The following XYLT2 variants were observed in gnomAD, a reference collection of about 807,000 sequenced individuals.
XYLT2 encodes the protein UDP-D-xylose:proteoglycan core protein beta-D-xylosyltransferase.
XYLT2 carries 37 observed loss-of-function variants against 82.6 expected under a neutral mutation model. The ratio of observed to expected loss-of-function variants is 0.45; its 90% CI spans 0.34 to 0.59. The LOEUF is 0.59. Ranked by LOEUF, XYLT2 falls within the 20% of genes least tolerant of loss-of-function variation. The pLI is 0.01. For missense variants in XYLT2, 934 were observed against 1,181.3 expected (o/e 0.79, Z 3.07); for synonymous variants, 474 against 499.0 (o/e 0.95, Z 0.67).
Position 50,356,772 on chromosome 17 carries a change from A to G in XYLT2, c.1744A>G (p.Arg582Gly). ...ACCCCCAATGGGCACCCCACTCTGC[A>G]GGTGAGACCCCCTTCTGACATACAG... ...AAPPMGTPLCRFEPRGLPSSV... is the reference protein window; with the variant it reads ...AAPPMGTPLCGFEPRGLPSSV... The change falls in exon 8 of 11, where the codon AGG becomes GGG. Residue 582 changes from arginine to glycine, a missense_variant and splice_region_variant. Transcript: ENST00000017003. 1 of 1,600,028 alleles carries G rather than the reference A, an allele frequency of 6.2e-7. No homozygotes were observed.
At chr17:50,347,040 C>T in intron 1 of XYLT2, 1 of 613,722 alleles carries the variant, frequency 1.6e-6, no homozygotes, top group Non-Finnish European at 2.0e-6. Context: ...AACCAACAGC[C>T]GTCTCAGCCC....
At chr17:50,353,537 C>G in intron 1 of XYLT2, 93 bp from the exon 2 acceptor site, 1 of 1,497,442 alleles carries the variant, frequency 6.7e-7, no homozygotes, top group Non-Finnish European at 8.9e-7. Flanking sequence ...GCAGGAACAT[C>G]TAGGTCTGAG....
At position 50,360,421 on chromosome 17, in the gene XYLT2, A is replaced by G. The variant is rs530104376; in HGVS notation, c.*130A>G. On this transcript the variant is annotated 3_prime_UTR_variant, in exon 11 of 11. Coordinates refer to ENST00000017003, the MANE Select transcript of XYLT2 (RefSeq NM_022167.4). ...CCCATTTCAGCCATCAAGAACCCAC[A>G]CAGACGGCAGGGAAGGTGGACACAG... The G allele has an allele frequency of 2.2e-4, 320 of 1,431,748 alleles. 5 individuals are homozygous for G. In the South Asian group the frequency reaches 4.5e-3, roughly 20 times the overall value. The allele number at this position is 1,431,748 out of a possible 1,614,324, so 88.7% of individuals were successfully genotyped here.
rs1282104050 is a variant in XYLT2 at position 50,355,657 on chromosome 17, C to G, written c.1088+76C>G. On this transcript the variant is annotated intron_variant, in intron 5 of 10. Transcript: ENST00000017003. ...TCCCACACAGTTGGGCTCGGTGGCT[C>G]CAGCCCTGGGTTTCAAAGCCTCCAC... is the stretch of plus-strand genomic sequence containing the variant. 2.3e-5 allele frequency: 36 copies of G among 1,598,564 alleles called. No homozygotes were observed. In the Admixed American group the frequency reaches 6.0e-4, roughly 27 times the overall value.
In XYLT2 at chr17:50,358,245, G is replaced by C; in HGVS notation, c.1980G>C (p.Arg660=). Residue 660 remains arginine, a synonymous_variant, in exon 10 of 11, where the codon CGG becomes CGC. Coordinates refer to ENST00000017003, the MANE Select transcript of XYLT2 (RefSeq NM_022167.4). ...GGGACCCCAAAGAGCGTCTTTTCCG[G>C]AACTTTGGGGGGTTACTGGGGCCGC... The part of the protein sequence containing the change: ...TDWDPKERLF[R]NFGGLLGPLD... The C allele has an allele frequency of 1.9e-6, 3 of 1,610,974 alleles. No individual in the cohort carries two copies. The highest frequency in any genetic ancestry group is 2.2e-5 in the East Asian group (1 of 44,804).
At position 50,346,188 on chromosome 17, in the gene XYLT2, GGC is replaced by G; in HGVS notation, c.50_51del (p.Ala17AspfsTer69). On this transcript the variant is annotated frameshift_variant, in exon 1 of 11. Transcript: ENST00000017003. LOFTEE classifies it high-confidence loss of function. The surrounding 1 kb of genome is among the most constrained non-coding windows in gnomAD (Gnocchi z 5.1). ...AGAAGCTGGTGCGGCGCTACAAGCTGGCGATTGCCACGGCGCTGGCCATCCTG... is the reference window on the plus strand; with the variant it reads ...AGAAGCTGGTGCGGCGCTACAAGCTGGATTGCCACGGCGCTGGCCATCCTG... ...VQKLVRRYKL[A>X]IATALAILLL... The G allele has an allele frequency of 7.7e-7, 1 of 1,293,150 alleles. No individual in the cohort carries two copies. Among genetic ancestry groups the G allele is most frequent in the Non-Finnish European group, 1.0e-6 (1 of 994,410 alleles). The allele number at this position is 1,293,150 out of a possible 1,614,324, so 80.1% of individuals were successfully genotyped here. A position where few individuals can be genotyped will look rare whatever the true frequency, so the allele number is the denominator to read the frequency against.
chr17:50,356,809 G>C (rs1341031201), intron 8 of XYLT2, 36 bp downstream of exon 8: 1 of 1,579,364 alleles, frequency 6.3e-7, no homozygotes, highest in Non-Finnish European at 8.6e-7. Flanking sequence ...AGGCCCTTGG[G>C]GTGTGGTGCC....
At position 50,361,067 on chromosome 17, in the gene XYLT2, C is replaced by T; in HGVS notation, c.*776C>T. The T allele has an allele frequency of 1.0e-6, 1 of 985,960 alleles. No homozygotes were observed. Among genetic ancestry groups the T allele is most frequent in the South Asian group, 4.7e-5 (1 of 21,286 alleles). The allele number at this position is 985,960 out of a possible 1,614,324, so 61.1% of individuals were successfully genotyped here. A position where few individuals can be genotyped will look rare whatever the true frequency, so the allele number is the denominator to read the frequency against. On this transcript the variant is annotated 3_prime_UTR_variant, in exon 11 of 11. Coordinates refer to ENST00000017003, the MANE Select transcript of XYLT2 (RefSeq NM_022167.4). ...GTGGGAAGAAGACTCTGTCAAGACTCTCAGAAGAACCTGGAGTAATTGTGC... is the reference window on the plus strand; with the variant it reads ...GTGGGAAGAAGACTCTGTCAAGACTTTCAGAAGAACCTGGAGTAATTGTGC...
intron 3 of XYLT2, 96 bp downstream of exon 3, chr17:50,354,679 T>C (rs1192863666): frequency 7.3e-7 from 1 of 1,363,290 alleles, no homozygotes; most frequent in Non-Finnish European, 9.5e-7. Flanking sequence ...CCAGGTAGCC[T>C]AGGAGGGAAA....
rs1244817642 is a variant in XYLT2 at position 50,358,526 on chromosome 17, T to C, written c.2261T>C (p.Leu754Pro). Reference sequence around the variant, plus strand: ...CTGCCCTTGACCTTCAACCGCAAACTACCTCTCAGGAAAGGTAAGCGTGCA... The same window carrying C: ...CTGCCCTTGACCTTCAACCGCAAACCACCTCTCAGGAAAGGTAAGCGTGCA... ...LVLPLTFNRK[L>P]PLRKDDASWL... The change falls in exon 10 of 11, where the codon CTA (leucine) becomes CCA (proline). Residue 754 changes from leucine (L) to proline (P), a missense_variant. Physicochemically the swap from Leu to Pro is moderately conservative, Grantham distance 98 (BLOSUM62 -3). This residue lies in a region of XYLT2 where 374 missense variants were observed against 465.6 expected (regional missense o/e 0.80). Coordinates refer to ENST00000017003, the MANE Select transcript of XYLT2 (RefSeq NM_022167.4). 1 of 1,612,116 alleles carries C rather than the reference T, an allele frequency of 6.2e-7. No homozygotes were observed.
chr17:50,348,736 A>G (rs961966758), intron 1 of XYLT2, among the ~76,000 whole-genome samples: 3 of 152,174 alleles, frequency 2.0e-5, no homozygotes, highest in Non-Finnish European at 2.9e-5. Flanking sequence ...GAAGGATTCT[A>G]AGGTGGAGCT....
At position 50,346,881 on chromosome 17, in the gene XYLT2, G is replaced by A. The variant is rs1272357343; in HGVS notation, c.135+606G>A. On this transcript the variant is annotated intron_variant, in intron 1 of 10. Coordinates refer to ENST00000017003, the MANE Select transcript of XYLT2 (RefSeq NM_022167.4). The surrounding 1 kb of genome is among the most constrained non-coding windows in gnomAD (Gnocchi z 5.1). ...CGAGGTGTGGCTTCCTCAGCCGGGG[G>A]TTTGAAGAACCTGGATGGGTCTCCG... 2 of 985,298 alleles carry A rather than the reference G, an allele frequency of 2.0e-6. No individual in the cohort carries two copies. Among genetic ancestry groups the A allele is most frequent in the Admixed American group, 6.1e-5 (1 of 16,272 alleles). 61.0% of individuals were successfully genotyped at this position (985,298 alleles called of 1,614,324 possible).
In XYLT2 at chr17:50,350,744, C is replaced by T. The variant is rs75127905; in HGVS notation, c.136-2886C>T. Among the ~76,000 whole-genome samples, 1,230 of 151,960 alleles carry T rather than the reference C, an allele frequency of 8.1e-3. 23 individuals are homozygous for T. Among genetic ancestry groups the T allele is most frequent in the East Asian group, 0.071 (366 of 5,168 alleles). On this transcript the variant is annotated intron_variant, in intron 1 of 10. Transcript: ENST00000017003. ...TAGTAGGATGAGAGGAAATATTGTG[C>T]GATGGTGAAAAGCAGAGGAGGAGGG...
chr17:50,348,160 CT>C (rs1912115342), intron 1 of XYLT2, among the ~76,000 whole-genome samples: 1 of 152,214 alleles, frequency 6.6e-6, no homozygotes, highest in Non-Finnish European at 1.5e-5. Flanking sequence ...GTACTAGACA[CT>C]GTGCTAATAC....
intron 1 of XYLT2, among the ~76,000 whole-genome samples, chr17:50,351,369 G>A (rs745981877): frequency 1.3e-5 from 2 of 152,292 alleles, no homozygotes; most frequent in Middle Eastern, 3.4e-3. Context: ...GGGCGCAGTG[G>A]CTCACATCTG....
intron 1 of XYLT2, among the ~76,000 whole-genome samples, chr17:50,352,520 G>A (rs1912313895): frequency 6.6e-6 from 1 of 152,232 alleles, no homozygotes; most frequent in Admixed American, 6.5e-5. Flanking sequence ...GCATGCCAGG[G>A]GCCTTGGAGC....
intron 1 of XYLT2, among the ~76,000 whole-genome samples, chr17:50,351,624 A>T (rs1567804557): frequency 3.3e-5 from 5 of 151,976 alleles, no homozygotes. Flanking sequence ...ACAGAGCAAG[A>T]CTCTATCTAA....
rs74628302 is a variant in XYLT2, at chr17:50,349,632, C to T, written c.135+3357C>T. 7.9e-3 allele frequency among the ~76,000 whole-genome samples: 1,203 copies of T among 152,268 alleles called. 17 individuals are homozygous for T. Among genetic ancestry groups the T allele is most frequent in the African/African-American group, 0.027 (1,136 of 41,530 alleles). ...CAGAAGGCTGGCTGGGTGCTAGGCACAGAGGGCATGGATGTAGGCATGGGG... is the reference window on the plus strand; with the variant it reads ...CAGAAGGCTGGCTGGGTGCTAGGCATAGAGGGCATGGATGTAGGCATGGGG... On this transcript the variant is annotated intron_variant, in intron 1 of 10. Transcript: ENST00000017003.
At chr17:50,359,929 G>C in intron 10 of XYLT2, 40 bp from the exon 11 acceptor site, 1 of 1,509,572 alleles carries the variant, frequency 6.6e-7, no homozygotes, top group Non-Finnish European at 8.9e-7. Context: ...CACGGAGTCT[G>C]TTGCAGGGGG....
Sources: gnomAD v4.1 joint callset for allele counts (sites outside exome capture counted in the v4.1 genomes callset) on GRCh38, gnomAD v4.1.1 for gene constraint, gnomAD v4.1.1 regional missense constraint, Gnocchi (gnomAD v3.1) non-coding constraint, MANE v1.5 for transcripts, NCBI Gene and HGNC (gene_info 2026-07-23, HGNC 2026-07-21) for gene names.